PLAT: variants seen among roughly 807,000 people sequenced by gnomAD.
PLAT encodes the protein plasminogen activator, tissue type.
PLAT carries 48 observed loss-of-function variants against 74.9 expected under a neutral mutation model. That is an observed-to-expected ratio of 0.64 (90% CI 0.51 to 0.82). The LOEUF (loss-of-function observed/expected upper bound fraction) is 0.82. PLAT is among the 40% of genes least tolerant of loss of function. The pLI, the probability that PLAT is intolerant of heterozygous loss-of-function variation, is 0.00. For missense variants in PLAT, 673 were observed against 736.2 expected (o/e 0.91, Z 0.99); for synonymous variants, 307 against 294.4 (o/e 1.04, Z -0.44).
chr8:42,180,835 T>C, intron 9 of PLAT, 150 bp from the exon 10 acceptor site: 1 of 606,248 alleles, frequency 1.6e-6, no homozygotes. Flanking sequence ...TTCTCTTTAG[T>C]TCCCACAGCG....
Position 42,176,165 on chromosome 8 carries a change from A to G in PLAT, c.1531-14T>C. ...TCCCGAATCGCCCTGCAAAGGAGAT[A>G]GCAGGTTTGGCGTTTGCAAAAAAAG... On this transcript the variant is annotated splice_polypyrimidine_tract_variant and intron_variant, in intron 13 of 13. Coordinates refer to ENST00000220809, the MANE Select transcript of PLAT (RefSeq NM_000930.5). The G allele has an allele frequency of 6.2e-7, 1 of 1,607,826 alleles. No homozygotes were observed. The highest frequency in any genetic ancestry group is 8.5e-7 in the Non-Finnish European group (1 of 1,175,872).
chr8:42,187,583 G>A lies in PLAT; in HGVS notation c.365-11C>T. 1.3e-6 allele frequency: 2 copies of A among 1,581,778 alleles called. No individual in the cohort carries two copies. The highest frequency in any genetic ancestry group is 1.7e-6 in the Non-Finnish European group (2 of 1,159,790). On this transcript the variant is annotated splice_polypyrimidine_tract_variant and intron_variant, in intron 5 of 13. Transcript: ENST00000220809. ...ACGTGGCCCTGGTATCTGACAGAGA[G>A]CAGGGCATGGATGCCTCACATGGGA...
Position 42,175,105 on chromosome 8 carries a change from C to G in PLAT, c.*888G>C, listed in dbSNP as rs925045753. Reference sequence around the variant, plus strand: ...TTTTCCCGGTCTGGAGCACCTAGCCCATTGCCTTGTATGTTACAGGTGTTG... The same window carrying G: ...TTTTCCCGGTCTGGAGCACCTAGCCGATTGCCTTGTATGTTACAGGTGTTG... On this transcript the variant is annotated 3_prime_UTR_variant, in exon 14 of 14. Transcript: ENST00000220809. 6.6e-6 allele frequency: 1 copy of G among 152,174 alleles called. No homozygotes were observed. Among genetic ancestry groups the G allele is most frequent in the Non-Finnish European group, 1.5e-5 (1 of 68,050 alleles). The allele number at this position is 152,174 out of a possible 1,614,324, so 9.4% of individuals were successfully genotyped here.
At chr8:42,191,288 G>T in intron 3 of PLAT, 84 bp downstream of exon 3, 1 of 1,067,634 alleles carries the variant, frequency 9.4e-7, no homozygotes, top group Non-Finnish European at 1.5e-6. Context: ...GTGGAAGAAG[G>T]CAGGTGGTGG....
intron 2 of PLAT, among the ~76,000 whole-genome samples, chr8:42,192,859 G>C (rs1380085968): frequency 1.3e-5 from 2 of 152,184 alleles, no homozygotes; most frequent in African/African-American, 4.8e-5. Context: ...GCAGGGAGTG[G>C]CATGTTAATT....
Position 42,179,033 on chromosome 8 carries a change from T to C in PLAT, c.1394A>G (p.Glu465Gly), listed in dbSNP as rs778527103. 1 of 1,613,132 alleles carries C rather than the reference T, an allele frequency of 6.2e-7. No individual in the cohort carries two copies. Among genetic ancestry groups the C allele is most frequent in the Non-Finnish European group, 8.5e-7 (1 of 1,179,074 alleles). The change falls in exon 13 of 14, where the codon GAG (glutamate) becomes GGG (glycine). Residue 465 changes from glutamate (E) to glycine (G), a missense_variant. Transcript: ENST00000220809. ...LSPFYSERLK[E>G]AHVRLYPSSR... Reference sequence around the variant, plus strand: ...GGATGGGTACAGTCTGACATGAGCCTCCTTCAGCCGCTCCGAATAGAAAGG... The same window carrying C: ...GGATGGGTACAGTCTGACATGAGCCCCCTTCAGCCGCTCCGAATAGAAAGG...
In PLAT at chr8:42,180,650, A is replaced by G; in HGVS notation, c.925T>C (p.Phe309Leu). ...GCGAAGAGCCCTCCTTTGATGCGAA[A>G]CTGAGGCTGGCTGTACTGTCTCAGG... ...CGLRQYSQPQ[F>L]RIKGGLFADI... Residue 309 changes from phenylalanine to leucine, a missense_variant, in exon 10 of 14, where the codon TTT becomes CTT. Physicochemically the swap from Phe to Leu is conservative, Grantham distance 22 (BLOSUM62 0). Coordinates refer to ENST00000220809, the MANE Select transcript of PLAT (RefSeq NM_000930.5). 6.2e-7 allele frequency: 1 copy of G among 1,601,032 alleles called. No individual in the cohort carries two copies.
chr8:42,194,366 G>T (rs966434370), intron 1 of PLAT, among the ~76,000 whole-genome samples: 10 of 151,318 alleles, frequency 6.6e-5, no homozygotes, highest in African/African-American at 2.4e-4. Flanking sequence ...CTCCCAAAGT[G>T]CTGGGATCAG....
intron 2 of PLAT, among the ~76,000 whole-genome samples, chr8:42,192,797 G>A (rs566728133): frequency 6.6e-6 from 1 of 152,158 alleles, no homozygotes; most frequent in African/African-American, 2.4e-5. Context: ...GTACTTTATG[G>A]ATTAATTTGA....
chr8:42,194,241 A>AGAGAGAGAGTGTGTGTGTGT (rs1419569830), intron 1 of PLAT, among the ~76,000 whole-genome samples: 17 of 52,542 alleles, frequency 3.2e-4, no homozygotes, highest in African/African-American at 1.1e-3. Flanking sequence ...AGAGAGAGAG[A>AGAGAGAGAGTGTGTGTGTGT]GTGTGTGTGT....
intron 12 of PLAT, among the ~76,000 whole-genome samples, 182 bp from the exon 13 acceptor site, chr8:42,179,245 T>C (rs8178788): frequency 0.014 from 2,132 of 152,278 alleles, 53 homozygotes; most frequent in African/African-American, 0.049. Flanking sequence ...GATTCCGGGA[T>C]TGAACCCACA....
At chr8:42,176,359 A>G (rs1048682963) in intron 13 of PLAT, among the ~76,000 whole-genome samples, 3 of 152,190 alleles carry the variant, frequency 2.0e-5, no homozygotes, top group Admixed American at 6.5e-5. Flanking sequence ...TTGTCCAGGT[A>G]CCCCGGTTTC....
intron 3 of PLAT, among the ~76,000 whole-genome samples, chr8:42,190,393 T>A (rs938474198): frequency 6.6e-6 from 1 of 152,230 alleles, no homozygotes; most frequent in Non-Finnish European, 1.5e-5. Flanking sequence ...CTCCAAGTAT[T>A]TTTGGCATAA....
At chr8:42,178,264 CTTTT>C (rs5891180) in intron 13 of PLAT, among the ~76,000 whole-genome samples, 5 of 110,048 alleles carry the variant, frequency 4.5e-5, no homozygotes, top group African/African-American at 7.5e-5. Context: ...ACATTTCTTT[CTTTT>C]TTTTTTTTTT....
At chr8:42,188,220 G>A (rs1347341790) in intron 4 of PLAT, 22 of 495,452 alleles carry the variant, frequency 4.4e-5, no homozygotes, top group African/African-American at 7.9e-5. Flanking sequence ...GACCCTGCAG[G>A]TCAGACAAGT....
intron 1 of PLAT, among the ~76,000 whole-genome samples, chr8:42,200,915 C>T (rs1192009561): frequency 2.0e-5 from 3 of 152,158 alleles, no homozygotes; most frequent in Admixed American, 6.5e-5. Context: ...CTGCAACCTC[C>T]GCCTCCTGGG....
At chr8:42,177,138 G>A (rs8178796) in intron 13 of PLAT, among the ~76,000 whole-genome samples, 52 of 152,274 alleles carry the variant, frequency 3.4e-4, no homozygotes, top group African/African-American at 1.2e-3. Context: ...TGTGTTTTTA[G>A]TAGAGGCAGG....
At chr8:42,178,617 T>C (rs1469757143) in intron 13 of PLAT, among the ~76,000 whole-genome samples, 1 of 152,198 alleles carries the variant, frequency 6.6e-6, no homozygotes, top group Non-Finnish European at 1.5e-5. Context: ...ACTTCAATAG[T>C]CAATCAATTG....
At chr8:42,199,063 G>C (rs893809109) in intron 1 of PLAT, among the ~76,000 whole-genome samples, 1 of 152,246 alleles carries the variant, frequency 6.6e-6, no homozygotes, top group Non-Finnish European at 1.5e-5. Flanking sequence ...CGGGACAGGA[G>C]CTTTGAGCCT....
Sources: gnomAD v4.1 joint callset for allele counts (sites outside exome capture counted in the v4.1 genomes callset) on GRCh38, gnomAD v4.1.1 for gene constraint, MANE v1.5 for transcripts, NCBI Gene and HGNC (gene_info 2026-07-23, HGNC 2026-07-21) for gene names.